Variants in MCF2L2 observed in about 807,000 individuals in gnomAD.
The protein encoded by MCF2L2 is probable guanine nucleotide exchange factor MCF2L2.
A neutral mutation model predicts 150.2 loss-of-function variants in MCF2L2; 102 were observed. The observed-to-expected ratio is 0.68, with a 90% CI of 0.58 to 0.80. MCF2L2 has a LOEUF of 0.80. Ranked by LOEUF, MCF2L2 falls within the 30% of genes least tolerant of loss-of-function variation. The probability of loss-of-function intolerance (pLI) is 0.00; values close to 1 mark genes in which losing one functional copy is unlikely to be tolerated. For missense variants in MCF2L2, 1,256 were observed against 1,372.8 expected, an observed-to-expected ratio of 0.91 and a Z score of 1.34; for synonymous variants, 465 against 491.3, an observed-to-expected ratio of 0.95 and a Z score of 0.71.
At chr3:183,298,765 G>GCGCGCGCGCGCGCACA in intron 11 of MCF2L2, 6 of 138,570 alleles carry the variant, frequency 4.3e-5, no homozygotes, top group African/African-American at 1.7e-4. Flanking sequence ...AAACACACAT[G>GCGCGCGCGCGCGCACA]CACACACACA....
chr3:183,350,297 T>C (rs900162737), intron 3 of MCF2L2, among the ~76,000 whole-genome samples: 1 of 143,768 alleles, frequency 7.0e-6, no homozygotes, highest in Non-Finnish European at 1.5e-5. Flanking sequence ...TAATGACTGC[T>C]GGGGTGGGAT....
At chr3:183,220,693 A>ACCCCTTT (rs771578793) in intron 20 of MCF2L2, among the ~76,000 whole-genome samples, 25 of 152,210 alleles carry the variant, frequency 1.6e-4, no homozygotes, top group Non-Finnish European at 3.4e-4. Context: ...AGTACCATTT[A>ACCCCTTT]ATCAAAAATC....
chr3:183,191,467 A>G (rs923736085), intron 27 of MCF2L2, among the ~76,000 whole-genome samples: 2 of 152,026 alleles, frequency 1.3e-5, no homozygotes, highest in Admixed American at 1.3e-4. Context: ...TACTTCCAAG[A>G]TCCCCAGTGG....
At chr3:183,303,055 A>G (rs1728932260) in intron 10 of MCF2L2, among the ~76,000 whole-genome samples, 1 of 151,988 alleles carries the variant, frequency 6.6e-6, no homozygotes, top group Non-Finnish European at 1.5e-5. Context: ...TTAGCCAGGC[A>G]TGGTGGCACA....
chr3:183,203,367 T>G (rs1560339098), intron 25 of MCF2L2, among the ~76,000 whole-genome samples: 3 of 152,180 alleles, frequency 2.0e-5, no homozygotes, highest in Non-Finnish European at 2.9e-5. Context: ...AAATCCTCAT[T>G]AAATAGAAAA....
At chr3:183,299,085 T>G (rs1231229780) in intron 11 of MCF2L2, 1 of 152,378 alleles carries the variant, frequency 6.6e-6, no homozygotes, top group Non-Finnish European at 1.5e-5. Flanking sequence ...CAGAAACCGC[T>G]GCTCCTGCTG....
chr3:183,406,283 G>A (rs988307918), intron 1 of MCF2L2, among the ~76,000 whole-genome samples: 1 of 152,048 alleles, frequency 6.6e-6, no homozygotes, highest in Non-Finnish European at 1.5e-5. Context: ...CACTCTAACA[G>A]GTACACAATT....
intron 2 of MCF2L2, among the ~76,000 whole-genome samples, chr3:183,380,577 T>C (rs1022988878): frequency 6.6e-6 from 1 of 152,094 alleles, no homozygotes; most frequent in Non-Finnish European, 1.5e-5. Context: ...AATTTTTGTA[T>C]TTTTAGTAGA....
At chr3:183,349,280 A>G (rs1560033658) in intron 3 of MCF2L2, among the ~76,000 whole-genome samples, 1 of 152,218 alleles carries the variant, frequency 6.6e-6, no homozygotes, top group African/African-American at 2.4e-5. Context: ...GTATAAGATT[A>G]GAGCACTGAC....
intron 16 of MCF2L2, 77 bp downstream of exon 16, chr3:183,230,874 A>G (rs1723524338): frequency 1.7e-6 from 2 of 1,152,568 alleles, no homozygotes; most frequent in Admixed American, 1.9e-5. Flanking sequence ...TCTGGCAACT[A>G]TTTTGAGTCT....
At chr3:183,344,438 C>T (rs550593830) in intron 3 of MCF2L2, among the ~76,000 whole-genome samples, 6 of 152,158 alleles carry the variant, frequency 3.9e-5, no homozygotes, top group South Asian at 2.1e-4. Context: ...GCCTATAACG[C>T]TCCATTTAAA....
At chr3:183,410,341 T>C (rs1193609843) in intron 1 of MCF2L2, among the ~76,000 whole-genome samples, 1 of 152,178 alleles carries the variant, frequency 6.6e-6, no homozygotes, top group Non-Finnish European at 1.5e-5. Context: ...ATAACTATCA[T>C]ATTGGGCCTT....
At chr3:183,424,292 G>A (rs1047526590) in intron 1 of MCF2L2, among the ~76,000 whole-genome samples, 6 of 152,124 alleles carry the variant, frequency 3.9e-5, no homozygotes, top group Non-Finnish European at 8.8e-5. Flanking sequence ...CCTGACTAAT[G>A]GACAAAATCC....
chr3:183,213,328 T>A (rs563313514), intron 22 of MCF2L2, among the ~76,000 whole-genome samples: 35 of 152,036 alleles, frequency 2.3e-4, no homozygotes, highest in African/African-American at 8.4e-4. Context: ...AACAAACTTG[T>A]TTGGAAAAGA....
At chr3:183,277,776 CATATAT>C (rs199599707) in intron 14 of MCF2L2, among the ~76,000 whole-genome samples, 1 of 149,420 alleles carries the variant, frequency 6.7e-6, no homozygotes, top group Non-Finnish European at 1.5e-5. Context: ...GTGGAGGAAA[CATATAT>C]ATATGTTTTC....
chr3:183,349,286 C>T (rs1035510553), intron 3 of MCF2L2, among the ~76,000 whole-genome samples: 2 of 152,158 alleles, frequency 1.3e-5, no homozygotes, highest in African/African-American at 4.8e-5. Context: ...GATTAGAGCA[C>T]TGACTTTAAG....
rs116324997 is a variant in MCF2L2, at chr3:183,262,041, A to G, written c.1862+14831T>C. 2.6e-3 allele frequency among the ~76,000 whole-genome samples: 389 copies of G among 147,088 alleles called. 6 individuals carry two copies. Among genetic ancestry groups the G allele is most frequent in the African/African-American group, 9.5e-3 (376 of 39,690 alleles). On this transcript the variant is annotated intron_variant, in intron 15 of 29. Coordinates refer to ENST00000328913, the MANE Select transcript of MCF2L2 (RefSeq NM_015078.4). ...ATATTTATTAATAAAAGTTTAAAAGATATAAAGGAATGAGGAATGCATATA... is the reference window on the plus strand; with the variant it reads ...ATATTTATTAATAAAAGTTTAAAAGGTATAAAGGAATGAGGAATGCATATA...
In MCF2L2 at chr3:183,322,075, C is replaced by T. The variant is rs139658561; in HGVS notation, c.603+1160G>A. Among the ~76,000 whole-genome samples the T allele has an allele frequency of 1.7e-3, 253 of 152,336 alleles. 2 individuals are homozygous for T. The highest frequency in any genetic ancestry group is 5.9e-3 in the African/African-American group (245 of 41,580). ...ATGCCAGAGCCTTCATGACTTAATA[C>T]ATCCCAAAAGCCCCCTCCTCTTAAT... On this transcript the variant is annotated intron_variant, in intron 6 of 29. Coordinates refer to ENST00000328913, the MANE Select transcript of MCF2L2 (RefSeq NM_015078.4).
rs1292012218 is a variant in MCF2L2, at chr3:183,386,458, T to G, written c.160+3238A>C. Among the ~76,000 whole-genome samples, 3 of 152,318 alleles carry G rather than the reference T, an allele frequency of 2.0e-5. No homozygotes were observed. The East Asian group carries it at 5.8e-4, about 29-fold the overall frequency. ...GGCCACAAATCTGGGTCAGGCTTCATGTAATGAGCCTCTGCTCTTCTACCA... is the reference window on the plus strand; with the variant it reads ...GGCCACAAATCTGGGTCAGGCTTCAGGTAATGAGCCTCTGCTCTTCTACCA... On this transcript the variant is annotated intron_variant, in intron 2 of 29. Coordinates refer to ENST00000328913, the MANE Select transcript of MCF2L2 (RefSeq NM_015078.4).
Sources: gnomAD v4.1 joint callset for allele counts (sites outside exome capture counted in the v4.1 genomes callset) on GRCh38, gnomAD v4.1.1 for gene constraint, MANE v1.5 for transcripts, NCBI Gene and HGNC (gene_info 2026-07-23, HGNC 2026-07-21) for gene names.